PIK3C2G: variants seen among roughly 807,000 people sequenced by gnomAD.
The protein encoded by PIK3C2G is phosphatidylinositol-4-phosphate 3-kinase catalytic subunit type 2 gamma, also known as phosphatidylinositol 3-kinase C2 domain-containing subunit gamma.
Under a neutral mutation model 181.1 loss-of-function variants are expected in PIK3C2G, and 168 were observed. That is an observed-to-expected ratio of 0.93 (90% CI 0.82 to 1.05). The LOEUF (loss-of-function observed/expected upper bound fraction) is 1.05, where lower values mean the gene tolerates loss of function less well. PIK3C2G is among the 50% of genes least tolerant of loss of function. The pLI, the probability that PIK3C2G is intolerant of heterozygous loss-of-function variation, is 0.00. For synonymous variants in PIK3C2G, 573 were observed against 592.2 expected, an observed-to-expected ratio of 0.97 and a Z score of 0.47; for missense variants, 1,869 against 1,732.8, an observed-to-expected ratio of 1.08 and a Z score of -1.40.
intron 1 of PIK3C2G, among the ~76,000 whole-genome samples, chr12:18,262,442 G>C (rs915203757): frequency 4.6e-5 from 7 of 152,024 alleles, no homozygotes; most frequent in African/African-American, 1.4e-4. Flanking sequence ...GTTATTAAGA[G>C]CTTGGATTTT....
chr12:18,697,389 A>T, the PIK3C2G span, among the ~76,000 whole-genome samples: 1 of 152,176 alleles, frequency 6.6e-6, no homozygotes, highest in Non-Finnish European at 1.5e-5. Context: ...TCCAAGTATC[A>T]TGCTCCCTTA....
intron 20 of PIK3C2G, among the ~76,000 whole-genome samples, chr12:18,495,518 T>C (rs1940933248): frequency 6.6e-6 from 1 of 152,130 alleles, no homozygotes; most frequent in South Asian, 2.1e-4. Flanking sequence ...GTAAAAGGTA[T>C]CTTATATCCG....
intron 31 of PIK3C2G, among the ~76,000 whole-genome samples, chr12:18,614,955 ACTTTT>A (rs999030322): frequency 7.2e-5 from 11 of 151,838 alleles, no homozygotes; most frequent in Admixed American, 3.3e-4. Flanking sequence ...CTCTATAATT[ACTTTT>A]CTTTTCTTTT....
chr12:18,369,990 G>A (rs886777967), intron 12 of PIK3C2G, among the ~76,000 whole-genome samples: 10 of 124,210 alleles, frequency 8.1e-5, no homozygotes, highest in East Asian at 2.5e-4. Context: ...TATAACGATC[G>A]TATAATTGAC....
At chr12:18,423,303 C>T (rs1011924976) in intron 17 of PIK3C2G, among the ~76,000 whole-genome samples, 1 of 152,048 alleles carries the variant, frequency 6.6e-6, no homozygotes, top group Non-Finnish European at 1.5e-5. Context: ...GATAGCAGCT[C>T]AGCTACAGAT....
chr12:18,320,433 A>T (rs1951057831), intron 6 of PIK3C2G, among the ~76,000 whole-genome samples: 1 of 152,206 alleles, frequency 6.6e-6, no homozygotes, highest in Non-Finnish European at 1.5e-5. Context: ...CCAACTCCTA[A>T]CATTTATACC....
the PIK3C2G span, chr12:18,701,467 T>C: frequency 1.2e-6 from 2 of 1,612,058 alleles, no homozygotes; most frequent in African/African-American, 2.7e-5. Flanking sequence ...AACTTTCCAA[T>C]CACTTGTAAG....
the PIK3C2G span, among the ~76,000 whole-genome samples, chr12:18,664,533 A>G: frequency 7.9e-5 from 12 of 152,290 alleles, no homozygotes; most frequent in South Asian, 2.3e-3. Flanking sequence ...AAGATAAAGT[A>G]TGATTCTATT....
intron 29 of PIK3C2G, among the ~76,000 whole-genome samples, chr12:18,583,755 C>T (rs934258941): frequency 1.3e-5 from 2 of 149,582 alleles, no homozygotes; most frequent in Admixed American, 1.3e-4. Context: ...TAAAGGAACA[C>T]CCACATTCAA....
chr12:18,246,962 T>C (rs1347495402), upstream of PIK3C2G, among the ~76,000 whole-genome samples: 2 of 152,160 alleles, frequency 1.3e-5, no homozygotes, highest in Non-Finnish European at 2.9e-5. Context: ...TTTGAGATAG[T>C]CTTATAATTT....
intron 18 of PIK3C2G, among the ~76,000 whole-genome samples, chr12:18,478,905 G>A (rs150125556): frequency 1.3e-3 from 201 of 150,936 alleles, no homozygotes; most frequent in Non-Finnish European, 2.4e-3. Flanking sequence ...AGCCTGTGAA[G>A]TAAAGGCTAC....
chr12:18,374,918 C>A (rs755273021), intron 13 of PIK3C2G, among the ~76,000 whole-genome samples: 1 of 152,138 alleles, frequency 6.6e-6, no homozygotes, highest in African/African-American at 2.4e-5. Flanking sequence ...TGAGACCTCC[C>A]CAGAAGCCCA....
At chr12:18,559,779 TATATATATATATA>T (rs1945205367) in intron 26 of PIK3C2G, among the ~76,000 whole-genome samples, 12 of 35,842 alleles carry the variant, frequency 3.3e-4, no homozygotes, top group Non-Finnish European at 3.9e-4. Context: ...TATGAAATTA[TATATATATATATA>T]TATATATATA....
At chr12:18,511,497 T>C (rs1203257671) in intron 24 of PIK3C2G, among the ~76,000 whole-genome samples, 1 of 152,116 alleles carries the variant, frequency 6.6e-6, no homozygotes, top group African/African-American at 2.4e-5. Context: ...ATCTTTCATG[T>C]TTTTGATAAA....
chr12:18,487,200 A>T (rs1451726310), intron 18 of PIK3C2G, among the ~76,000 whole-genome samples: 1 of 151,716 alleles, frequency 6.6e-6, no homozygotes, highest in Non-Finnish European at 1.5e-5. Context: ...CTTTGAGAAA[A>T]TAAAAGAGGT....
At chr12:18,446,846 T>C (rs1947058179) in intron 18 of PIK3C2G, among the ~76,000 whole-genome samples, 1 of 152,176 alleles carries the variant, frequency 6.6e-6, no homozygotes, top group South Asian at 2.1e-4. Flanking sequence ...TACAGTCTAC[T>C]GGTTTCAAAG....
At chr12:18,641,192 C>G (rs1002879282) in intron 32 of PIK3C2G, among the ~76,000 whole-genome samples, 3 of 152,112 alleles carry the variant, frequency 2.0e-5, no homozygotes, top group Admixed American at 6.6e-5. Context: ...ACAAAAACTC[C>G]CCAACTCAGG....
intron 8 of PIK3C2G, among the ~76,000 whole-genome samples, chr12:18,335,767 A>T (rs956460981): frequency 1.3e-5 from 2 of 152,184 alleles, no homozygotes; most frequent in Non-Finnish European, 2.9e-5. Context: ...TTTACTTCAC[A>T]TATTCTAGCA....
chr12:18,314,042 C>T lies in PIK3C2G; in HGVS notation c.1115C>T (p.Ala372Val), dbSNP rs1396176695. 1 of 1,575,146 alleles carries T rather than the reference C, an allele frequency of 6.3e-7. No homozygotes were observed. Among genetic ancestry groups the T allele is most frequent in the Non-Finnish European group, 8.7e-7 (1 of 1,155,554 alleles). ...IQLHLQKSRE[A>V]PGKLSRKHEE... ...CTCCACCTGCAGAAAAGTAGGGAAG[C>T]TCCAGGAAAGCTATCTCGAAAGGTA... is the stretch of plus-strand genomic sequence containing the variant. The change falls in exon 6 of 33, where the codon GCT (alanine) becomes GTT (valine). Residue 372 changes from alanine (A) to valine (V), a missense_variant. Ala to Val is a moderately conservative substitution (Grantham distance 64, BLOSUM62 0). Transcript: ENST00000538779.
Sources: gnomAD v4.1 joint callset for allele counts (sites outside exome capture counted in the v4.1 genomes callset) on GRCh38, gnomAD v4.1.1 for gene constraint, MANE v1.5 for transcripts, NCBI Gene and HGNC (gene_info 2026-07-23, HGNC 2026-07-21) for gene names.